Variants in KLHL1 observed in about 807,000 individuals in gnomAD.
The protein encoded by KLHL1 is kelch-like protein 1.
KLHL1 carries 47 observed loss-of-function variants against 77.7 expected under a neutral mutation model. The ratio of observed to expected loss-of-function variants is 0.60; its 90% CI spans 0.48 to 0.77. KLHL1 has a LOEUF of 0.77. Among genes scored for constraint, KLHL1 ranks in the 30% least tolerant of loss-of-function variants. The pLI is 0.00. For missense variants in KLHL1, 925 were observed against 910.8 expected (o/e 1.02, Z -0.20); for synonymous variants, 360 against 325.2 (o/e 1.11, Z -1.15).
At chr13:69,863,650 T>A (rs1427309262) in intron 5 of KLHL1, among the ~76,000 whole-genome samples, 1 of 152,048 alleles carries the variant, frequency 6.6e-6, no homozygotes, top group Non-Finnish European at 1.5e-5. Context: ...ATGAATGAAT[T>A]CATCTGTATT....
At chr13:70,054,267 C>G (rs1335348433) in intron 1 of KLHL1, among the ~76,000 whole-genome samples, 1 of 151,868 alleles carries the variant, frequency 6.6e-6, no homozygotes, top group East Asian at 1.9e-4. Context: ...AAATATCTAT[C>G]TTGGTAAACT....
At chr13:69,727,691 A>G (rs930785187) in intron 8 of KLHL1, among the ~76,000 whole-genome samples, 1 of 152,224 alleles carries the variant, frequency 6.6e-6, no homozygotes, top group African/African-American at 2.4e-5. Context: ...ATTCTGAGGC[A>G]TAATTTATTA....
rs371143547 is a variant in KLHL1 at position 70,043,946 on chromosome 13, C to T, written c.497+63257G>A. On this transcript the variant is annotated intron_variant, in intron 1 of 10. Transcript: ENST00000377844. Reference sequence around the variant, plus strand: ...ATCACACTTCTGCAATTGTTCCCTACTGGTGTCTTCACTGCAATTCTTACT... The same window carrying T: ...ATCACACTTCTGCAATTGTTCCCTATTGGTGTCTTCACTGCAATTCTTACT... Among the ~76,000 whole-genome samples the T allele has an allele frequency of 7.2e-5, 11 of 152,326 alleles. No homozygotes were observed. In the East Asian group the frequency reaches 1.5e-3, roughly 21 times the overall value.
chr13:70,019,981 AGTTT>A (rs1885749799), intron 1 of KLHL1, among the ~76,000 whole-genome samples: 1 of 152,106 alleles, frequency 6.6e-6, no homozygotes, highest in South Asian at 2.1e-4. Context: ...TTGAAAACAG[AGTTT>A]GTTCCTTTTT....
At chr13:69,776,043 C>A (rs1198079714) in intron 7 of KLHL1, among the ~76,000 whole-genome samples, 1 of 151,260 alleles carries the variant, frequency 6.6e-6, no homozygotes, top group Non-Finnish European at 1.5e-5. Context: ...GTATTCCCAG[C>A]TGCTAGGGAG....
intron 3 of KLHL1, among the ~76,000 whole-genome samples, chr13:69,955,900 T>G (rs1294242686): frequency 1.5e-5 from 2 of 135,604 alleles, no homozygotes; most frequent in Non-Finnish European, 3.1e-5. Context: ...TTTGATATAT[T>G]TATATATATT....
chr13:69,838,164 T>C (rs1879102860), intron 6 of KLHL1, among the ~76,000 whole-genome samples: 1 of 147,768 alleles, frequency 6.8e-6, no homozygotes, highest in East Asian at 2.0e-4. Flanking sequence ...TTGAAATAAG[T>C]TTTTTTTTTG....
chr13:69,712,038 T>C (rs1875901377), intron 9 of KLHL1, among the ~76,000 whole-genome samples: 1 of 152,136 alleles, frequency 6.6e-6, no homozygotes, highest in South Asian at 2.1e-4. Flanking sequence ...AGAGTTCTTG[T>C]TCAAATCTTC....
intron 4 of KLHL1, among the ~76,000 whole-genome samples, chr13:69,936,592 C>CAAAAAAAAA: frequency 1.3e-5 from 1 of 79,992 alleles, no homozygotes; most frequent in Non-Finnish European, 2.5e-5. Context: ...GACTCCATCT[C>CAAAAAAAAA]AAAAAAAAAA....
At chr13:69,717,860 C>T (rs891600348) in intron 9 of KLHL1, among the ~76,000 whole-genome samples, 6 of 152,080 alleles carry the variant, frequency 3.9e-5, no homozygotes, top group African/African-American at 1.4e-4. Flanking sequence ...ACCTGTAGTT[C>T]CTGATTTCCG....
At chr13:70,075,960 C>T (rs1457598829) in intron 1 of KLHL1, among the ~76,000 whole-genome samples, 1 of 150,732 alleles carries the variant, frequency 6.6e-6, no homozygotes, top group Non-Finnish European at 1.5e-5. Flanking sequence ...ATGAGAAAAG[C>T]TACAAAACTC....
intron 5 of KLHL1, among the ~76,000 whole-genome samples, chr13:69,873,890 A>T (rs1305236056): frequency 6.6e-6 from 1 of 152,194 alleles, no homozygotes; most frequent in Non-Finnish European, 1.5e-5. Flanking sequence ...TGTATTTCTC[A>T]AAAATATAGT....
intron 9 of KLHL1, among the ~76,000 whole-genome samples, chr13:69,711,292 A>G (rs1208288063): frequency 6.6e-6 from 1 of 152,146 alleles, no homozygotes; most frequent in Non-Finnish European, 1.5e-5. Context: ...GTTTGCCTGT[A>G]AAACAAACAA....
chr13:70,028,107 G>A (rs1291302656), intron 1 of KLHL1, among the ~76,000 whole-genome samples: 1 of 152,150 alleles, frequency 6.6e-6, no homozygotes, highest in Non-Finnish European at 1.5e-5. Context: ...GAAGTGAAAG[G>A]GGTAGGAAAT....
At chr13:69,919,117 G>A (rs1279205165) in intron 4 of KLHL1, among the ~76,000 whole-genome samples, 1 of 151,960 alleles carries the variant, frequency 6.6e-6, no homozygotes, top group Non-Finnish European at 1.5e-5. Flanking sequence ...TTTGCCTGAG[G>A]AGCAGCAACA....
At chr13:69,971,936 C>G (rs1208535102) in intron 2 of KLHL1, among the ~76,000 whole-genome samples, 4 of 151,898 alleles carry the variant, frequency 2.6e-5, no homozygotes, top group Admixed American at 2.6e-4. Flanking sequence ...TAGACATAAG[C>G]AAAACATTAA....
intron 6 of KLHL1, among the ~76,000 whole-genome samples, chr13:69,836,773 C>T (rs1241837472): frequency 2.0e-5 from 3 of 151,682 alleles, no homozygotes; most frequent in East Asian, 3.9e-4. Flanking sequence ...GAAGTATTAA[C>T]GTAATTTCAT....
At chr13:69,845,807 G>A (rs2911506) in intron 5 of KLHL1, among the ~76,000 whole-genome samples, 135,079 of 151,316 alleles carry the variant, frequency 0.89, 61,322 homozygotes, top group East Asian at 0.99. Flanking sequence ...GTGGAGTTAC[G>A]ATGGAATACT....
intron 3 of KLHL1, among the ~76,000 whole-genome samples, chr13:69,940,999 T>C (rs903685995): frequency 1.3e-5 from 2 of 151,984 alleles, no homozygotes; most frequent in Non-Finnish European, 2.9e-5. Context: ...AGATTTACTA[T>C]CTGTACCTAA....
Sources: gnomAD v4.1 joint callset for allele counts (sites outside exome capture counted in the v4.1 genomes callset) on GRCh38, gnomAD v4.1.1 for gene constraint, MANE v1.5 for transcripts, NCBI Gene and HGNC (gene_info 2026-07-23, HGNC 2026-07-21) for gene names.